The following FRMD4B variants were observed in gnomAD, a reference collection of about 807,000 sequenced individuals.
The protein encoded by FRMD4B is FERM domain-containing protein 4B.
Under a neutral mutation model 141.5 loss-of-function variants are expected in FRMD4B, and 74 were observed. The observed-to-expected ratio is 0.52, with a 90% confidence interval of 0.43 to 0.63. FRMD4B has a LOEUF of 0.63. Ranked by LOEUF, FRMD4B falls within the 30% of genes least tolerant of loss-of-function variation. The pLI, the probability that FRMD4B is intolerant of heterozygous loss-of-function variation, is 0.00. For missense variants in FRMD4B, 1,366 were observed against 1,253.4 expected, an observed-to-expected ratio of 1.09 and a Z score of -1.36; for synonymous variants, 506 against 467.9, an observed-to-expected ratio of 1.08 and a Z score of -1.05.
chr3:69,325,012 C>T (rs1040151926), intron 1 of FRMD4B, among the ~76,000 whole-genome samples: 9 of 148,176 alleles, frequency 6.1e-5, no homozygotes, highest in Middle Eastern at 6.9e-3. Flanking sequence ...CCAGGTGTTT[C>T]GAGTTGCAGT....
chr3:69,438,485 G>A (rs1188413127), intron 1 of FRMD4B, among the ~76,000 whole-genome samples: 1 of 152,080 alleles, frequency 6.6e-6, no homozygotes, highest in African/African-American at 2.4e-5. Flanking sequence ...GAATGGGGAT[G>A]GGGCAGACTT....
chr3:69,280,930 C>G (rs2093641847), intron 5 of FRMD4B, among the ~76,000 whole-genome samples: 1 of 151,568 alleles, frequency 6.6e-6, no homozygotes, highest in Admixed American at 6.6e-5. Flanking sequence ...AAATTTTCTT[C>G]TTCTTCTTTT....
At chr3:69,284,875 C>G (rs1314760293) in intron 5 of FRMD4B, among the ~76,000 whole-genome samples, 1 of 152,092 alleles carries the variant, frequency 6.6e-6, no homozygotes, top group East Asian at 1.9e-4. Flanking sequence ...GATAGAAACT[C>G]TAAGGCCGAG....
intron 19 of FRMD4B, among the ~76,000 whole-genome samples, chr3:69,186,055 A>G (rs918253560): frequency 6.6e-6 from 1 of 151,444 alleles, no homozygotes; most frequent in South Asian, 2.1e-4. Context: ...AAAAAAAAAA[A>G]GTAAGTGCTC....
intron 1 of FRMD4B, among the ~76,000 whole-genome samples, chr3:69,339,671 C>A (rs1206158540): frequency 6.6e-6 from 1 of 152,018 alleles, no homozygotes; most frequent in Non-Finnish European, 1.5e-5. Flanking sequence ...TTCTGCAGGC[C>A]TCGAAAAAAA....
intron 1 of FRMD4B, among the ~76,000 whole-genome samples, chr3:69,318,357 G>T (rs1218873783): frequency 6.6e-6 from 1 of 152,116 alleles, no homozygotes. Flanking sequence ...GAGTTCCAAA[G>T]CATAGACTCT....
chr3:69,540,995 G>C (rs527514411), intron 1 of FRMD4B, among the ~76,000 whole-genome samples: 1 of 152,250 alleles, frequency 6.6e-6, no homozygotes, highest in South Asian at 2.1e-4. Context: ...GTCTTGATGA[G>C]GTTAAGTAAG....
At chr3:69,429,949 C>T (rs1705150151) in intron 2 of FRMD4B, among the ~76,000 whole-genome samples, 2 of 151,664 alleles carry the variant, frequency 1.3e-5, no homozygotes, top group African/African-American at 4.8e-5. Flanking sequence ...TTTGTGGAGA[C>T]AGGGTTTCAT....
intron 5 of FRMD4B, among the ~76,000 whole-genome samples, chr3:69,257,407 G>C (rs1454049993): frequency 9.2e-5 from 14 of 152,150 alleles, no homozygotes; most frequent in Non-Finnish European, 1.5e-5. Context: ...GATATTGACT[G>C]TGCCCCTTCT....
At chr3:69,216,429 CTTTTTTT>C (rs397990009) in intron 10 of FRMD4B, 80 bp from the exon 11 acceptor site, 52 of 382,054 alleles carry the variant, frequency 1.4e-4, no homozygotes, top group Middle Eastern at 7.2e-4. Flanking sequence ...AATTTCACCT[CTTTTTTT>C]TTTTTTTTTT....
At chr3:69,368,875 G>T (rs1485098713) in intron 1 of FRMD4B, among the ~76,000 whole-genome samples, 2 of 152,124 alleles carry the variant, frequency 1.3e-5, no homozygotes, top group Non-Finnish European at 2.9e-5. Context: ...TGCCCAGGCT[G>T]GTCTTGAACT....
At chr3:69,495,299 C>CTGTT in intron 1 of FRMD4B, among the ~76,000 whole-genome samples, 1 of 152,292 alleles carries the variant, frequency 6.6e-6, no homozygotes, top group South Asian at 2.1e-4. Context: ...AACAGAAGAA[C>CTGTT]CTGTGTGAGT....
intron 2 of FRMD4B, among the ~76,000 whole-genome samples, chr3:69,408,233 C>A (rs1704685528): frequency 1.3e-5 from 2 of 152,268 alleles, no homozygotes; most frequent in South Asian, 4.2e-4. Context: ...AATTTAGGAG[C>A]AAACCTGAAA....
chr3:69,527,060 A>T (rs986537381), intron 1 of FRMD4B, among the ~76,000 whole-genome samples: 3 of 152,058 alleles, frequency 2.0e-5, no homozygotes, highest in African/African-American at 7.2e-5. Flanking sequence ...TTCTGGTGCC[A>T]TTCACACCCT....
chr3:69,215,575 G>C (rs1036569898), intron 11 of FRMD4B, among the ~76,000 whole-genome samples: 2 of 151,958 alleles, frequency 1.3e-5, no homozygotes, highest in Non-Finnish European at 2.9e-5. Flanking sequence ...ACAGACAGGA[G>C]TCACCATGCC....
chr3:69,536,367 G>T, intron 1 of FRMD4B: 1 of 695,672 alleles, frequency 1.4e-6, no homozygotes. Flanking sequence ...TGAGGGGCCT[G>T]GCGAGGAGGC....
chr3:69,441,369 G>GT (rs1046754364), intron 1 of FRMD4B, among the ~76,000 whole-genome samples: 1 of 152,092 alleles, frequency 6.6e-6, no homozygotes, highest in African/African-American at 2.4e-5. Context: ...TTGAGGCTGT[G>GT]TTTTTTCTGG....
chr3:69,323,021 G>T, intron 1 of FRMD4B: 1 of 976,926 alleles, frequency 1.0e-6, no homozygotes, highest in Non-Finnish European at 1.2e-6. Context: ...TACATCTCTT[G>T]CAGGTTCACT....
rs577587156 is a variant in FRMD4B at position 69,510,898 on chromosome 3, G to A, written c.-129+31308C>T. On this transcript the variant is annotated intron_variant, in intron 1 of 5. Coordinates refer to the FRMD4B transcript ENST00000459638. The stretch of plus-strand genomic sequence containing the variant: ...TCTCTGCCTAACTTCAAAGCAGTGA[G>A]CATGGGAGAATAATTTACATTCTTA... Among the ~76,000 whole-genome samples, 251 of 152,330 alleles carry A rather than the reference G, an allele frequency of 1.6e-3. 1 individual carries two copies. The highest frequency in any genetic ancestry group is 5.8e-3 in the African/African-American group (240 of 41,574).
Sources: gnomAD v4.1 joint callset for allele counts (sites outside exome capture counted in the v4.1 genomes callset) on GRCh38, gnomAD v4.1.1 for gene constraint, MANE v1.5 for transcripts, NCBI Gene and HGNC (gene_info 2026-07-23, HGNC 2026-07-21) for gene names.